The following MPRIP variants were observed in gnomAD, a reference collection of about 807,000 sequenced individuals.
MPRIP encodes myosin phosphatase Rho interacting protein, also known as myosin phosphatase Rho-interacting protein.
A neutral mutation model predicts 234.9 loss-of-function variants in MPRIP; 59 were observed. That is an observed-to-expected ratio of 0.25 (90% confidence interval 0.20 to 0.31). MPRIP has a LOEUF of 0.31. Among genes scored for constraint, MPRIP ranks in the 10% least tolerant of loss-of-function variants. MPRIP has a pLI of 1.00. For synonymous variants in MPRIP, 1,144 were observed against 1,263.9 expected, an observed-to-expected ratio of 0.91 and a Z score of 2.01; for missense variants, 2,436 against 3,071.0, an observed-to-expected ratio of 0.79 and a Z score of 4.89.
chr17:17,151,307 TAAGTCAG>T (rs2045597834), intron 12 of MPRIP, among the ~76,000 whole-genome samples: 1 of 152,232 alleles, frequency 6.6e-6, no homozygotes, highest in African/African-American at 2.4e-5. Flanking sequence ...AGAAAGTATG[TAAGTCAG>T]AACCAGCCAA....
chr17:17,126,069 C>G (rs1460894937), intron 3 of MPRIP, among the ~76,000 whole-genome samples: 1 of 152,226 alleles, frequency 6.6e-6, no homozygotes. Context: ...GGCATCCTTT[C>G]CTGCTTTTGG....
At chr17:17,148,086 A>G (rs1216040846) in intron 11 of MPRIP, among the ~76,000 whole-genome samples, 8 of 152,076 alleles carry the variant, frequency 5.3e-5, no homozygotes, top group Admixed American at 5.2e-4. Flanking sequence ...GAGCCTAAAT[A>G]CCCATCATTA....
intron 1 of MPRIP, among the ~76,000 whole-genome samples, chr17:17,056,347 A>G (rs894789824): frequency 6.6e-6 from 1 of 152,210 alleles, no homozygotes; most frequent in Non-Finnish European, 1.5e-5. Flanking sequence ...GAATGGCGTC[A>G]TGTTCCAAAA....
chr17:17,132,714 C>G (rs1343407592), intron 5 of MPRIP, among the ~76,000 whole-genome samples: 1 of 152,258 alleles, frequency 6.6e-6, no homozygotes, highest in African/African-American at 2.4e-5. Flanking sequence ...GGGCCACTCT[C>G]AGCCCATGGT....
At chr17:17,097,143 T>A (rs535400116) in intron 3 of MPRIP, 15 of 202,060 alleles carry the variant, frequency 7.4e-5, no homozygotes, top group African/African-American at 3.2e-4. Context: ...CCACCTAATG[T>A]CAGAAGTAAA....
intron 7 of MPRIP, among the ~76,000 whole-genome samples, chr17:17,139,117 T>C (rs755542607): frequency 1.3e-5 from 2 of 152,220 alleles, no homozygotes; most frequent in Non-Finnish European, 2.9e-5. Context: ...GGTGCAGAAC[T>C]TGACTGCTGC....
rs1041676930 is a variant in MPRIP at position 17,078,385 on chromosome 17, A to G, written c.267+309A>G. 6.6e-6 allele frequency among the ~76,000 whole-genome samples: 1 copy of G among 152,182 alleles called. No homozygotes were observed. Among genetic ancestry groups the G allele is most frequent in the Non-Finnish European group, 1.5e-5 (1 of 68,018 alleles). ...TCCTGGTTAGGGGAAAGCAAGGGCAAAGTCCTGGATCACGTGTGCAGGCTG... is the reference window on the plus strand; with the variant it reads ...TCCTGGTTAGGGGAAAGCAAGGGCAGAGTCCTGGATCACGTGTGCAGGCTG... On this transcript the variant is annotated intron_variant, in intron 3 of 23. Coordinates refer to ENST00000651222, the MANE Select transcript of MPRIP (RefSeq NM_001364716.4). The surrounding 1 kb of genome is among the most constrained non-coding windows in gnomAD (Gnocchi z 4.3).
intron 3 of MPRIP, among the ~76,000 whole-genome samples, chr17:17,115,813 G>A (rs868624512): frequency 5.3e-5 from 8 of 152,120 alleles, no homozygotes; most frequent in African/African-American, 1.7e-4. Flanking sequence ...CAAGGCTGGG[G>A]TGGTGGCTTC....
chr17:17,049,549 T>G (rs1293029847), intron 1 of MPRIP, among the ~76,000 whole-genome samples: 1 of 151,846 alleles, frequency 6.6e-6, no homozygotes, highest in Non-Finnish European at 1.5e-5. Context: ...ACTCTTCTTT[T>G]ATCCTGGGGA....
chr17:17,091,028 A>C (rs2089703595), intron 3 of MPRIP, among the ~76,000 whole-genome samples: 1 of 150,368 alleles, frequency 6.7e-6, no homozygotes, highest in Non-Finnish European at 1.5e-5. Context: ...ACAGGGGAAC[A>C]CAGGGCCAGG....
intron 13 of MPRIP, among the ~76,000 whole-genome samples, chr17:17,154,732 G>A (rs965803846): frequency 6.6e-6 from 1 of 152,230 alleles, no homozygotes; most frequent in Non-Finnish European, 1.5e-5. Context: ...CCTGAGCCCC[G>A]CAGTCGGTGC....
In MPRIP at chr17:17,088,514, A is replaced by G. The variant is rs116063443; in HGVS notation, c.267+10438A>G. On this transcript the variant is annotated intron_variant, in intron 3 of 23. Coordinates refer to ENST00000651222, the MANE Select transcript of MPRIP (RefSeq NM_001364716.4). The stretch of plus-strand genomic sequence containing the variant: ...TGCAACAGAAAATATTTAGGGTTGA[A>G]AAAGCAAAGCCACATGGCTGGTGCT... Among the ~76,000 whole-genome samples, 940 of 152,340 alleles carry G rather than the reference A, an allele frequency of 6.2e-3. 9 individuals carry two copies. The highest frequency in any genetic ancestry group is 0.022 in the African/African-American group (898 of 41,574).
chr17:17,073,220 C>T lies in MPRIP; in HGVS notation c.124-2490C>T, dbSNP rs139120592. Among the ~76,000 whole-genome samples the T allele has an allele frequency of 2.7e-3, 416 of 152,184 alleles. 1 individual carries two copies. Among genetic ancestry groups the T allele is most frequent in the Non-Finnish European group, 3.9e-3 (267 of 67,998 alleles). On this transcript the variant is annotated intron_variant, in intron 1 of 23. Transcript: ENST00000651222. The stretch of plus-strand genomic sequence containing the variant: ...TCCTCCACCCAGAGGCCCTACATCT[C>T]GCTCTCTGCTCTGTGTCTGCGCCGC...
In MPRIP at chr17:17,165,380, C is replaced by T. The variant is rs776042008; in HGVS notation, c.3789C>T (p.Leu1263=). The T allele has an allele frequency of 1.2e-3, 1,608 of 1,304,138 alleles. 2 individuals carry two copies. Among genetic ancestry groups the T allele is most frequent in the Non-Finnish European group, 1.5e-3 (1,521 of 988,950 alleles). 80.8% of individuals were successfully genotyped at this position (1,304,138 alleles called of 1,614,324 possible). ...CTCTAGGCCTCCCACACACAAGGCT[C>T]GAGGATGAGGACGAGGACCTGGGGG... ...RAPLGLPHTR[L]EDEDEDLGAP... Residue 1263 remains leucine, a synonymous_variant, in exon 16 of 24, where the codon CTC becomes CTT. Transcript: ENST00000651222.
At chr17:17,049,640 C>G (rs778328452) in intron 1 of MPRIP, among the ~76,000 whole-genome samples, 1 of 152,206 alleles carries the variant, frequency 6.6e-6, no homozygotes, top group Non-Finnish European at 1.5e-5. Context: ...CATCAAATCC[C>G]GGAGCCTTTT....
At chr17:17,092,014 A>AGG (rs2089730393) in intron 3 of MPRIP, among the ~76,000 whole-genome samples, 1 of 152,210 alleles carries the variant, frequency 6.6e-6, no homozygotes, top group South Asian at 2.1e-4. Context: ...CCCACACTAG[A>AGG]GGAGGGTGCT....
intron 9 of MPRIP, among the ~76,000 whole-genome samples, chr17:17,144,917 G>T (rs540777958): frequency 7.2e-5 from 11 of 152,346 alleles, no homozygotes; most frequent in Non-Finnish European, 1.5e-4. Context: ...GCAGTCCCAC[G>T]TCTCAGGTCC....
intron 13 of MPRIP, 98 bp from the exon 14 acceptor site, chr17:17,158,334 C>A (rs2045777589): frequency 2.0e-6 from 2 of 1,015,152 alleles, no homozygotes; most frequent in East Asian, 2.5e-5. Context: ...ATGTGGTGCT[C>A]ACAGGGGCTG....
At chr17:17,172,865 G>A (rs1450760314) in intron 18 of MPRIP, 50 bp downstream of exon 18, 2 of 1,505,598 alleles carry the variant, frequency 1.3e-6, no homozygotes, top group South Asian at 2.3e-5. Context: ...CCTCTGGGGT[G>A]CTGACCAGGC....
Sources: gnomAD v4.1 joint callset for allele counts (sites outside exome capture counted in the v4.1 genomes callset) on GRCh38, gnomAD v4.1.1 for gene constraint, Gnocchi (gnomAD v3.1) non-coding constraint, MANE v1.5 for transcripts, NCBI Gene and HGNC (gene_info 2026-07-23, HGNC 2026-07-21) for gene names.